The following SYT7 variants were observed in gnomAD, a reference collection of about 807,000 sequenced individuals.
SYT7 encodes the protein synaptotagmin-7.
In SYT7, 29 loss-of-function variants were observed where a neutral mutation model predicts 75.1. That is an observed-to-expected ratio of 0.39 (90% CI 0.29 to 0.53). The LOEUF (loss-of-function observed/expected upper bound fraction) is 0.53, where lower values mean the gene tolerates loss of function less well. Ranked by LOEUF, SYT7 falls within the 20% of genes least tolerant of loss-of-function variation. SYT7 has a pLI of 0.77. For missense variants in SYT7, 693 were observed against 953.2 expected, an observed-to-expected ratio of 0.73 and a Z score of 3.59; for synonymous variants, 376 against 401.7, an observed-to-expected ratio of 0.94 and a Z score of 0.76.
intron 1 of SYT7, among the ~76,000 whole-genome samples, chr11:61,569,522 G>C (rs1051811293): frequency 6.6e-5 from 10 of 152,180 alleles, no homozygotes; most frequent in Admixed American, 2.0e-4. Context: ...AGGGAGCCAG[G>C]AGGAGCCAGA....
chr11:61,523,713 G>T lies in SYT7; in HGVS notation c.1756+114C>A. ...TAAGGAGTGAGGACTGGAGGTCGGG[G>T]TGTGGCGGGTTGGGGTGAGGACCAC... On this transcript the variant is annotated intron_variant, in intron 11 of 12. Transcript: ENST00000539008. The surrounding 1 kb of genome is among the most constrained non-coding windows in gnomAD (Gnocchi z 5.0). 9.4e-7 allele frequency: 1 copy of T among 1,065,762 alleles called. No individual in the cohort carries two copies. The highest frequency in any genetic ancestry group is 1.4e-6 in the Non-Finnish European group (1 of 720,826). The allele number at this position is 1,065,762 out of a possible 1,614,324, so 66.0% of individuals were successfully genotyped here.
chr11:61,545,230 G>A (rs975292935), intron 5 of SYT7, among the ~76,000 whole-genome samples: 1 of 152,220 alleles, frequency 6.6e-6, no homozygotes, highest in African/African-American at 2.4e-5. Context: ...AGCCAAGAGT[G>A]GGCCTGACTG....
chr11:61,521,747 C>T (rs78716730), intron 12 of SYT7, among the ~76,000 whole-genome samples: 3,477 of 152,330 alleles, frequency 0.023, 78 homozygotes, highest in Non-Finnish European at 0.032. Context: ...CCCTCACTCA[C>T]TCCTGGCATC....
chr11:61,518,335 G>C lies in SYT7; in HGVS notation c.*292C>G, dbSNP rs2062201585. On this transcript the variant is annotated 3_prime_UTR_variant, in exon 13 of 13. Transcript: ENST00000539008. The stretch of plus-strand genomic sequence containing the variant: ...GCCTCTGGAGGGGTCTGCCTGTCTG[G>C]CCGTCTGGCTCTCGAGCTCCCCCAA... 3.3e-6 allele frequency: 1 copy of C among 301,926 alleles called. No homozygotes were observed. Among genetic ancestry groups the C allele is most frequent in the Non-Finnish European group, 6.1e-6 (1 of 163,904 alleles). 18.7% of individuals were successfully genotyped at this position (301,926 alleles called of 1,614,324 possible).
intron 1 of SYT7, among the ~76,000 whole-genome samples, chr11:61,578,239 A>C (rs1276420376): frequency 6.6e-6 from 1 of 152,164 alleles, no homozygotes; most frequent in Non-Finnish European, 1.5e-5. Flanking sequence ...AGAGAACCAC[A>C]CCTGTCAGGT....
intron 12 of SYT7, among the ~76,000 whole-genome samples, chr11:61,521,399 G>A (rs1376961118): frequency 6.6e-6 from 1 of 152,188 alleles, no homozygotes; most frequent in Admixed American, 6.5e-5. Flanking sequence ...AGGAGATATG[G>A]TCACTTGGCC....
At chr11:61,534,413 G>GCACACACACACACACACGCA (rs796187429) in intron 7 of SYT7, among the ~76,000 whole-genome samples, 1 of 149,688 alleles carries the variant, frequency 6.7e-6, no homozygotes, top group African/African-American at 2.5e-5. Context: ...ACACACGCAC[G>GCACACACACACACACACGCA]CACACATGCG....
chr11:61,523,694 G>C lies in SYT7; in HGVS notation c.1756+133C>G. On this transcript the variant is annotated intron_variant, in intron 11 of 12. Coordinates refer to ENST00000539008, the MANE Select transcript of SYT7 (RefSeq NM_001365809.2). The surrounding 1 kb of genome is among the most constrained non-coding windows in gnomAD (Gnocchi z 5.0). ...GGCCCCAGGGTCTCTAGGGTAAGGA[G>C]TGAGGACTGGAGGTCGGGGTGTGGC... 1.1e-6 allele frequency: 1 copy of C among 935,752 alleles called. No individual in the cohort carries two copies. The highest frequency in any genetic ancestry group is 1.7e-6 in the Non-Finnish European group (1 of 596,264). 58.0% of individuals were successfully genotyped at this position (935,752 alleles called of 1,614,324 possible).
In SYT7 at chr11:61,513,912, T is replaced by C. The variant is rs1239421948; in HGVS notation, c.*4715A>G. Among the ~76,000 whole-genome samples the C allele has an allele frequency of 1.3e-5, 2 of 152,138 alleles. No individual in the cohort carries two copies. Among genetic ancestry groups the C allele is most frequent in the Non-Finnish European group, 2.9e-5 (2 of 68,026 alleles). ...GCCACGAGCTGGGGCATCGGCGTGC[T>C]CAAGGCTTGTCCTTCTGGTTGTCTT... is the stretch of plus-strand genomic sequence containing the variant. On this transcript the variant is annotated 3_prime_UTR_variant, in exon 13 of 13. Transcript: ENST00000539008.
At chr11:61,518,836 G>GC in intron 12 of SYT7, 105 bp from the exon 13 acceptor site, 5 of 726,434 alleles carry the variant, frequency 6.9e-6, no homozygotes, top group Non-Finnish European at 8.3e-6. Context: ...CTAGCCTGTG[G>GC]CCCCCCAGCC....
At chr11:61,556,711 A>G (rs904565405) in intron 1 of SYT7, among the ~76,000 whole-genome samples, 3 of 152,246 alleles carry the variant, frequency 2.0e-5, no homozygotes, top group Non-Finnish European at 4.4e-5. Context: ...CCCTCTGAGG[A>G]CATCTGCCTC....
At chr11:61,556,339 A>C in intron 1 of SYT7, 132 bp from the exon 2 acceptor site, 4 of 662,972 alleles carry the variant, frequency 6.0e-6, no homozygotes, top group East Asian at 2.9e-5. Flanking sequence ...CCCAGGTTCT[A>C]CTCCCAGTTC....
In SYT7 at chr11:61,556,108, T is replaced by A. The variant is rs749807013; in HGVS notation, c.131A>T (p.Lys44Ile). The A allele has an allele frequency of 1.4e-5, 23 of 1,613,570 alleles. No homozygotes were observed. Among genetic ancestry groups the A allele is most frequent in the Non-Finnish European group, 1.9e-5 (23 of 1,179,780 alleles). ...AGGGGCCCTCAGGAGCCTCACCAGT[T>A]TGCGCTGACACCAGTGGCAGAGGCC... ...LCGLCHWCQR[K>I]LGKRYKNSLE... The change falls in exon 2 of 13, where the codon AAA (lysine) becomes ATA (isoleucine). Residue 44 changes from lysine (K) to isoleucine (I), a missense_variant. By Grantham distance (102) the Lys-to-Ile change is moderately radical. This residue lies in a region of SYT7 where 487 missense variants were observed against 593.2 expected (regional missense o/e 0.82). Coordinates refer to ENST00000539008, the MANE Select transcript of SYT7 (RefSeq NM_001365809.2).
intron 4 of SYT7, 67 bp downstream of exon 4, chr11:61,547,110 A>G: frequency 6.6e-7 from 1 of 1,504,328 alleles, no homozygotes; most frequent in South Asian, 1.3e-5. Flanking sequence ...GGGTGGGGGC[A>G]GGAGGAGGGA....
intron 8 of SYT7, among the ~76,000 whole-genome samples, chr11:61,528,863 G>T (rs776360766): frequency 1.3e-5 from 2 of 152,140 alleles, no homozygotes; most frequent in Non-Finnish European, 2.9e-5. Context: ...TGTAAAAGGC[G>T]CCTCAGATGA....
At chr11:61,528,843 A>G (rs1005534847) in intron 8 of SYT7, among the ~76,000 whole-genome samples, 5 of 152,184 alleles carry the variant, frequency 3.3e-5, no homozygotes, top group Admixed American at 3.3e-4. Flanking sequence ...GGGCCTGGGC[A>G]TCAGTGCTGT....
At chr11:61,540,947 G>T (rs2063024857) in intron 6 of SYT7, 1 of 985,458 alleles carries the variant, frequency 1.0e-6, no homozygotes, top group Non-Finnish European at 1.2e-6. Context: ...GTCCTTGAGT[G>T]GGGTAGAGCC....
intron 3 of SYT7, among the ~76,000 whole-genome samples, chr11:61,549,560 T>A (rs1002407607): frequency 6.6e-6 from 1 of 152,204 alleles, no homozygotes; most frequent in East Asian, 1.9e-4. Flanking sequence ...CCTAAGCCCA[T>A]GAAGGGCTGT....
chr11:61,536,299 A>C (rs1340204441), intron 7 of SYT7, among the ~76,000 whole-genome samples: 2 of 152,148 alleles, frequency 1.3e-5, no homozygotes, highest in Non-Finnish European at 2.9e-5. Context: ...AGTGGCAAGG[A>C]GGTAAAAATA....
Sources: allele counts gnomAD v4.1 joint callset (sites outside exome capture counted in the v4.1 genomes callset), GRCh38; gene constraint gnomAD v4.1.1; regional missense constraint gnomAD v4.1.1; non-coding constraint Gnocchi (gnomAD v3.1); transcripts MANE v1.5; gene names NCBI Gene and HGNC (gene_info 2026-07-23, HGNC 2026-07-21).